Variants in NPSR1 observed in about 807,000 individuals in gnomAD.
NPSR1 encodes neuropeptide S receptor 1, also known as neuropeptide S receptor.
NPSR1 carries 48 observed loss-of-function variants against 46.9 expected under a neutral mutation model. The observed-to-expected ratio is 1.02, with a 90% CI of 0.81 to 1.30. The LOEUF (loss-of-function observed/expected upper bound fraction) is 1.30. Among genes scored for constraint, NPSR1 ranks in the 50% most tolerant of loss-of-function variants. The pLI is 0.00. For missense variants in NPSR1, 450 were observed against 449.5 expected (o/e 1.00, Z -0.01); for synonymous variants, 176 against 168.1 (o/e 1.05, Z -0.36).
At chr7:34,706,852 T>C (rs1286211069) in intron 2 of NPSR1, among the ~76,000 whole-genome samples, 1 of 152,126 alleles carries the variant, frequency 6.6e-6, no homozygotes, top group East Asian at 1.9e-4. Flanking sequence ...CTACTGAAAG[T>C]TTTTTAATTG....
chr7:34,710,700 C>A (rs1783236675), intron 2 of NPSR1: 1 of 297,424 alleles, frequency 3.4e-6, no homozygotes, highest in African/African-American at 2.2e-5. Flanking sequence ...ACCTTTATAG[C>A]ATTGGGGTCT....
chr7:34,868,287 A>G (rs1484661760), intron 8 of NPSR1, among the ~76,000 whole-genome samples: 3 of 151,582 alleles, frequency 2.0e-5, no homozygotes, highest in African/African-American at 7.3e-5. Context: ...GGGAGGGACC[A>G]GGCAGCAGCC....
In NPSR1 at chr7:34,723,007, CAG is replaced by C. The variant is rs1350518969; in HGVS notation, c.280+38326_280+38327del. Reference sequence around the variant, plus strand: ...TGGCCTTTCCCAGCCAAATTGCAAACAGAGTCACCAAATTCGAATAAACATTT... The same window carrying C: ...TGGCCTTTCCCAGCCAAATTGCAAACAGTCACCAAATTCGAATAAACATTT... On this transcript the variant is annotated intron_variant, in intron 2 of 8. Transcript: ENST00000360581. 5.9e-5 allele frequency among the ~76,000 whole-genome samples: 9 copies of C among 152,264 alleles called. No individual in the cohort carries two copies. In the South Asian group the frequency reaches 1.9e-3, roughly 32 times the overall value.
chr7:34,799,011 G>A (rs1247441281), intron 3 of NPSR1, among the ~76,000 whole-genome samples: 1 of 152,070 alleles, frequency 6.6e-6, no homozygotes, highest in African/African-American at 2.4e-5. Context: ...ATAAAAAAAT[G>A]TGATATTAAT....
At chr7:34,838,132 C>T (rs188681003) in intron 6 of NPSR1, among the ~76,000 whole-genome samples, 206 of 152,274 alleles carry the variant, frequency 1.4e-3, no homozygotes, top group African/African-American at 4.7e-3. Flanking sequence ...CCTCAGCATG[C>T]CTCCCCCCAG....
chr7:34,837,250 T>C (rs17170019), intron 6 of NPSR1, among the ~76,000 whole-genome samples: 1 of 152,208 alleles, frequency 6.6e-6, no homozygotes, highest in Non-Finnish European at 1.5e-5. Flanking sequence ...CAGCCAATAT[T>C]ATCCTAGATG....
At chr7:34,812,318 C>A (rs1447528969) in intron 4 of NPSR1, among the ~76,000 whole-genome samples, 1 of 151,806 alleles carries the variant, frequency 6.6e-6, no homozygotes, top group Admixed American at 6.5e-5. Context: ...AATTGATCAT[C>A]GTATTGGGAA....
chr7:34,724,347 T>G (rs1356811749), intron 2 of NPSR1, among the ~76,000 whole-genome samples: 1 of 152,234 alleles, frequency 6.6e-6, no homozygotes, highest in East Asian at 1.9e-4. Context: ...CATAGTTGGA[T>G]GTAAACTTAT....
At chr7:34,790,748 T>TAG (rs1422444980) in intron 3 of NPSR1, among the ~76,000 whole-genome samples, 11 of 126,392 alleles carry the variant, frequency 8.7e-5, no homozygotes, top group African/African-American at 3.2e-4. Flanking sequence ...TTATATATAA[T>TAG]ATATGTTATA....
intron 3 of NPSR1, among the ~76,000 whole-genome samples, chr7:34,782,406 C>G (rs1217132995): frequency 6.6e-6 from 1 of 152,110 alleles, no homozygotes; most frequent in Non-Finnish European, 1.5e-5. Flanking sequence ...CCTTAGCAGC[C>G]ATCACCACTG....
intron 2 of NPSR1, among the ~76,000 whole-genome samples, chr7:34,700,939 ATTAAT>A (rs1793796197): frequency 1.3e-5 from 2 of 152,234 alleles, no homozygotes; most frequent in Non-Finnish European, 2.9e-5. Context: ...TGTAGAAATG[ATTAAT>A]TTAAACTCCT....
chr7:34,776,842 T>C (rs1453234495), intron 2 of NPSR1, among the ~76,000 whole-genome samples: 2 of 152,178 alleles, frequency 1.3e-5, no homozygotes, highest in Non-Finnish European at 2.9e-5. Flanking sequence ...GCCTAGGGCA[T>C]GTCTAGAAAT....
intron 2 of NPSR1, among the ~76,000 whole-genome samples, chr7:34,759,011 G>A (rs1479780759): frequency 6.6e-6 from 1 of 152,150 alleles, no homozygotes; most frequent in East Asian, 1.9e-4. Flanking sequence ...CTTCTGAATA[G>A]ATTAAGGTTA....
chr7:34,751,671 G>A (rs1007398991), intron 2 of NPSR1: 5 of 1,591,962 alleles, frequency 3.1e-6, no homozygotes, highest in Admixed American at 1.7e-5. Flanking sequence ...CCCCAGCCAG[G>A]GACAAGAGGT....
In NPSR1 at chr7:34,700,097, A is replaced by C. The variant is rs78021330; in HGVS notation, c.280+15413A>C. Reference sequence around the variant, plus strand: ...GGAACACAGTAAGGGAAGGAAAATAACTTTGTTGTGGAGAGGGCAAACCAA... The same window carrying C: ...GGAACACAGTAAGGGAAGGAAAATACCTTTGTTGTGGAGAGGGCAAACCAA... On this transcript the variant is annotated intron_variant, in intron 2 of 8. Coordinates refer to ENST00000360581, the MANE Select transcript of NPSR1 (RefSeq NM_207172.2). Among the ~76,000 whole-genome samples the C allele has an allele frequency of 2.8e-3, 432 of 152,304 alleles. 2 individuals carry two copies. Among genetic ancestry groups the C allele is most frequent in the African/African-American group, 9.9e-3 (413 of 41,556 alleles).
In NPSR1 at chr7:34,715,691, C is replaced by T. The variant is rs539950442; in HGVS notation, c.280+31007C>T. 4.1e-4 allele frequency among the ~76,000 whole-genome samples: 62 copies of T among 152,328 alleles called. 1 individual carries two copies. The highest frequency in any genetic ancestry group is 1.4e-3 in the African/African-American group (59 of 41,566). ...CCTCAGATCAAAGCAGCCCTGAATA[C>T]AAAATAGCTGTATTTGGAGCTTGTG... On this transcript the variant is annotated intron_variant, in intron 2 of 8. Coordinates refer to ENST00000360581, the MANE Select transcript of NPSR1 (RefSeq NM_207172.2).
intron 8 of NPSR1, chr7:34,849,282 T>C (rs1221443116): frequency 7.2e-7 from 1 of 1,384,452 alleles, no homozygotes; most frequent in South Asian, 1.2e-5. Context: ...GGGCAAGTTA[T>C]TTAACATCTG....
intron 3 of NPSR1, among the ~76,000 whole-genome samples, chr7:34,805,812 A>G (rs994838572): frequency 3.3e-5 from 5 of 152,064 alleles, no homozygotes; most frequent in Admixed American, 2.6e-4. Context: ...GTATCCAAAT[A>G]TGTACAAAGA....
At chr7:34,729,141 C>T (rs539755057) in intron 2 of NPSR1, among the ~76,000 whole-genome samples, 63 of 152,238 alleles carry the variant, frequency 4.1e-4, no homozygotes, top group African/African-American at 1.5e-3. Context: ...AGTCCAGAAC[C>T]ACCTTCACCG....
Sources: allele counts gnomAD v4.1 joint callset (sites outside exome capture counted in the v4.1 genomes callset), GRCh38; gene constraint gnomAD v4.1.1; transcripts MANE v1.5; gene names NCBI Gene and HGNC (gene_info 2026-07-23, HGNC 2026-07-21).